Variants in FRMPD2 observed in about 807,000 individuals in gnomAD.
FRMPD2 encodes FERM and PDZ domain-containing protein 2.
In FRMPD2, 96 loss-of-function variants were observed where a neutral mutation model predicts 140.1. The ratio of observed to expected loss-of-function variants is 0.69; its 90% CI spans 0.58 to 0.81. FRMPD2 has a LOEUF of 0.81. Among genes scored for constraint, FRMPD2 ranks in the 40% least tolerant of loss-of-function variants. The pLI, the probability that FRMPD2 is intolerant of heterozygous loss-of-function variation, is 0.00. For synonymous variants in FRMPD2, 449 were observed against 547.6 expected, an observed-to-expected ratio of 0.82 and a Z score of 2.52; for missense variants, 1,240 against 1,447.4, an observed-to-expected ratio of 0.86 and a Z score of 2.32.
chr10:48,249,338 A>G (rs571797187), intron 2 of FRMPD2, among the ~76,000 whole-genome samples, 160 bp from the exon 3 acceptor site: 1 of 152,218 alleles, frequency 6.6e-6, no homozygotes, highest in African/African-American at 2.4e-5. Flanking sequence ...ACCCTGATGC[A>G]TGGGAACATG....
chr10:48,269,442 T>C (rs1013336426), intron 1 of FRMPD2, among the ~76,000 whole-genome samples: 1 of 152,160 alleles, frequency 6.6e-6, no homozygotes, highest in African/African-American at 2.4e-5. Flanking sequence ...TGGTACCTAG[T>C]ACAAGGGTGG....
At chr10:48,186,939 G>GGTGTGTTCTTCCTT (rs1838703083) in intron 17 of FRMPD2, among the ~76,000 whole-genome samples, 1 of 150,452 alleles carries the variant, frequency 6.6e-6, no homozygotes, top group South Asian at 2.1e-4. Flanking sequence ...ACCCTCCATA[G>GGTGTGTTCTTCCTT]CAGGTATTCT....
At position 48,222,220 on chromosome 10, in the gene FRMPD2, C is replaced by T. The variant is rs138014699; in HGVS notation, c.1455+93G>A. ...CTAGCTGGTAGATGCTAACAATACT[C>T]AAAGCAGAGTCTCCACATTACTAAC... On this transcript the variant is annotated intron_variant, in intron 12 of 28. Transcript: ENST00000374201. The T allele has an allele frequency of 4.6e-5, 61 of 1,329,542 alleles. No individual in the cohort carries two copies. The African/African-American group carries it at 5.0e-4, about 11-fold the overall frequency. The allele number at this position is 1,329,542 out of a possible 1,614,324, so 82.4% of individuals were successfully genotyped here.
Position 48,222,316 on chromosome 10 carries a change from C to T in FRMPD2, c.1452G>A (p.Lys484=), listed in dbSNP as rs147558703. 2.2e-4 allele frequency: 355 copies of T among 1,613,900 alleles called. 1 individual carries two copies. The highest frequency in any genetic ancestry group is 1.2e-3 in the Middle Eastern group (7 of 6,050). ...GGCCCCTGGTGTTCACCCCTACCTC[C>T]TTAGGGTAATTGCCAAACTCAGCCT... ...ALQAEFGNYP[K]EQVESKPYFH... The change falls in exon 12 of 29, where the codon AAG becomes AAA. Residue 484 remains lysine, a synonymous_variant. Transcript: ENST00000374201.
rs551155395 is a variant in FRMPD2 at position 48,237,453 on chromosome 10, G to C, written c.921+538C>G. On this transcript the variant is annotated intron_variant, in intron 8 of 28. Transcript: ENST00000374201. ...GCGTATGGGAACCATAGGCCAAACAGGAAGAGGGACATCCTGAGGCTATTT... is the reference window on the plus strand; with the variant it reads ...GCGTATGGGAACCATAGGCCAAACACGAAGAGGGACATCCTGAGGCTATTT... 2.6e-5 allele frequency among the ~76,000 whole-genome samples: 4 copies of C among 152,268 alleles called. No homozygotes were observed. In the South Asian group the frequency reaches 8.3e-4, roughly 32 times the overall value.
At position 48,274,671 on chromosome 10, in the gene FRMPD2, C is replaced by T; in HGVS notation, c.-104G>A. ...TGTCCGCGGAGCTCCCTGCCACCAG[C>T]ACTGTTGCCGCTGTCTTTGTTTACT... is the stretch of plus-strand genomic sequence containing the variant. On this transcript the variant is annotated 5_prime_UTR_variant, in exon 1 of 29. Transcript: ENST00000374201. 1.9e-6 allele frequency: 2 copies of T among 1,052,492 alleles called. No homozygotes were observed. Among genetic ancestry groups the T allele is most frequent in the Non-Finnish European group, 2.9e-6 (2 of 685,028 alleles). 65.2% of individuals were successfully genotyped at this position (1,052,492 alleles called of 1,614,324 possible).
chr10:48,265,492 T>G (rs1840662870), intron 1 of FRMPD2, among the ~76,000 whole-genome samples: 2 of 152,252 alleles, frequency 1.3e-5, no homozygotes, highest in South Asian at 2.1e-4. Flanking sequence ...ATATCCAGCA[T>G]TTATAAGAAA....
intron 4 of FRMPD2, among the ~76,000 whole-genome samples, chr10:48,243,233 A>G (rs538740080): frequency 6.6e-6 from 1 of 152,324 alleles, no homozygotes; most frequent in East Asian, 1.9e-4. Context: ...AGAGACAAAG[A>G]CCATAGAGGA....
At chr10:48,190,891 T>C (rs1260422862) in intron 16 of FRMPD2, among the ~76,000 whole-genome samples, 1 of 152,184 alleles carries the variant, frequency 6.6e-6, no homozygotes, top group East Asian at 1.9e-4. Context: ...GGGCAACACA[T>C]CCTCAAGATG....
At position 48,222,436 on chromosome 10, in the gene FRMPD2, C is replaced by A. The variant is rs762873117; in HGVS notation, c.1332G>T (p.Arg444Ser). Residue 444 changes from arginine to serine, a missense_variant, in exon 12 of 29, where the codon AGG becomes AGT. Physicochemically the swap from Arg to Ser is moderately radical, Grantham distance 110. Transcript: ENST00000374201. ...HYGLLQHSLT[R>S]HQFYLQLRKD... is the part of the protein sequence containing the mutation. Reference sequence around the variant, plus strand: ...TCCGAAGCTGCAGGTAAAACTGGTGCCTTGTCAGGCTGTGCCTGGAAAAGA... The same window carrying A: ...TCCGAAGCTGCAGGTAAAACTGGTGACTTGTCAGGCTGTGCCTGGAAAAGA... 4.3e-6 allele frequency: 7 copies of A among 1,613,880 alleles called. No homozygotes were observed. The highest frequency in any genetic ancestry group is 5.1e-6 in the Non-Finnish European group (6 of 1,179,956).
At chr10:48,215,888 C>A (rs1056561382) in intron 12 of FRMPD2, among the ~76,000 whole-genome samples, 3 of 152,164 alleles carry the variant, frequency 2.0e-5, no homozygotes, top group Non-Finnish European at 4.4e-5. Flanking sequence ...GTCAAATATT[C>A]TGGGTGTGAC....
intron 12 of FRMPD2, among the ~76,000 whole-genome samples, chr10:48,214,849 G>A (rs1839409256): frequency 6.6e-6 from 1 of 152,198 alleles, no homozygotes; most frequent in Admixed American, 6.5e-5. Context: ...AAGGAAGACT[G>A]GGAAGGCATG....
chr10:48,207,268 A>G (rs1839223641), intron 13 of FRMPD2, among the ~76,000 whole-genome samples: 1 of 152,108 alleles, frequency 6.6e-6, no homozygotes, highest in South Asian at 2.1e-4. Flanking sequence ...TTTAGAATTC[A>G]TACTCTTCTG....
At position 48,160,892 on chromosome 10, in the gene FRMPD2, T is replaced by A; in HGVS notation, c.3881+2436A>T. 1.3e-5 allele frequency among the ~76,000 whole-genome samples: 2 copies of A among 148,716 alleles called. 1 individual carries two copies. The highest frequency in any genetic ancestry group is 1.3e-4 in the Admixed American group (2 of 14,952). ...CTTCCTGTAGGGGGCAGCCACTATG[T>A]GTGCATTAAATGCAAACTGACGTCC... On this transcript the variant is annotated intron_variant, in intron 28 of 28. Transcript: ENST00000374201.
chr10:48,209,265 A>G (rs1053397123), intron 13 of FRMPD2, among the ~76,000 whole-genome samples: 34 of 152,352 alleles, frequency 2.2e-4, no homozygotes, highest in African/African-American at 8.2e-4. Context: ...TTTTAATAAT[A>G]TATTAACAAC....
chr10:48,209,010 T>A (rs1839262404), intron 13 of FRMPD2, among the ~76,000 whole-genome samples: 1 of 152,250 alleles, frequency 6.6e-6, no homozygotes, highest in Non-Finnish European at 1.5e-5. Context: ...ATATGCTGAA[T>A]AATCAGGACA....
chr10:48,231,560 A>G, intron 10 of FRMPD2, among the ~76,000 whole-genome samples: 1 of 152,178 alleles, frequency 6.6e-6, no homozygotes, highest in East Asian at 1.9e-4. Context: ...ACCTCCTTAG[A>G]TGCATCTATA....
rs1236414333 is a variant in FRMPD2 at position 48,168,672 on chromosome 10, C to G, written c.3460G>C (p.Gly1154Arg). 1 of 1,047,384 alleles carries G rather than the reference C, an allele frequency of 9.5e-7. No homozygotes were observed. The highest frequency in any genetic ancestry group is 2.1e-5 in the African/African-American group (1 of 47,912). 64.9% of individuals were successfully genotyped at this position (1,047,384 alleles called of 1,614,324 possible). ...IFQEVLHLLRGAPQEVTLLLC... is the reference protein window; with the variant it reads ...IFQEVLHLLRRAPQEVTLLLC... ...AGGAGCGTGACTTCCTGTGGGGCCC[C>G]TCTCAGTAAATGCAGCACCTCCTGC... is the stretch of plus-strand genomic sequence containing the variant. Residue 1154 changes from glycine (G) to arginine (R), a missense_variant, in exon 27 of 29, where the codon GGG becomes CGG. Gly to Arg is a moderately radical substitution (Grantham distance 125). Around this residue, in one of 6 missense-constraint regions of FRMPD2, gnomAD observed 30 missense variants for 227.5 expected, o/e 0.13. Transcript: ENST00000374201.
At chr10:48,210,345 G>A (rs1330768916) in intron 13 of FRMPD2, among the ~76,000 whole-genome samples, 1 of 152,220 alleles carries the variant, frequency 6.6e-6, no homozygotes, top group Non-Finnish European at 1.5e-5. Flanking sequence ...TCTATTCAGT[G>A]CTTTCTGTGA....
Sources: allele counts gnomAD v4.1 joint callset (sites outside exome capture counted in the v4.1 genomes callset), GRCh38; gene constraint gnomAD v4.1.1; regional missense constraint gnomAD v4.1.1; transcripts MANE v1.5; gene names NCBI Gene and HGNC (gene_info 2026-07-23, HGNC 2026-07-21).